Variants in LAMA1 observed in about 807,000 individuals in gnomAD.
LAMA1 encodes the protein laminin subunit alpha 1, also known as laminin subunit alpha-1.
A neutral mutation model predicts 348.7 loss-of-function variants in LAMA1; 219 were observed. The ratio of observed to expected loss-of-function variants is 0.63; its 90% CI spans 0.56 to 0.70. The LOEUF (loss-of-function observed/expected upper bound fraction) is 0.70. Among genes scored for constraint, LAMA1 ranks in the 30% least tolerant of loss-of-function variants. LAMA1 has a pLI of 0.00. For synonymous variants in LAMA1, 1,487 were observed against 1,491.0 expected, an observed-to-expected ratio of 1.00 and a Z score of 0.06; for missense variants, 3,744 against 3,888.0, an observed-to-expected ratio of 0.96 and a Z score of 0.99.
intron 1 of LAMA1, among the ~76,000 whole-genome samples, chr18:7,086,978 G>A (rs529295075): frequency 1.3e-4 from 20 of 152,194 alleles, no homozygotes; most frequent in Admixed American, 7.2e-4. Context: ...TTCAGTGTGC[G>A]CAAGGGTGGA....
intron 3 of LAMA1, among the ~76,000 whole-genome samples, chr18:7,078,139 A>ATTTTTTTG (rs2058177480): frequency 7.1e-6 from 1 of 140,848 alleles, no homozygotes; most frequent in Non-Finnish European, 1.5e-5. Context: ...TTCTCTTTTT[A>ATTTTTTTG]TTTTTTTTTG....
intron 3 of LAMA1, among the ~76,000 whole-genome samples, chr18:7,078,401 C>G (rs903290769): frequency 6.6e-6 from 1 of 151,640 alleles, no homozygotes; most frequent in African/African-American, 2.4e-5. Context: ...CTCCTGACCT[C>G]GTGATCCACC....
At chr18:6,992,855 C>G (rs974996598) in intron 35 of LAMA1, 135 bp from the exon 36 acceptor site, 4 of 688,592 alleles carry the variant, frequency 5.8e-6, no homozygotes, top group Non-Finnish European at 1.0e-5. Flanking sequence ...CAGGCCAGGC[C>G]ACCTGGCATA....
chr18:7,038,886 T>C lies in LAMA1; in HGVS notation c.1487A>G (p.Asn496Ser). ...GAAGCACTCGGAGCAGCCCCGGGGG[T>C]TTTTTTCCTTCAAGTTATAGAATCC... ...KPGFYNLKEK[N>S]PRGCSECFCF... Residue 496 changes from asparagine (N) to serine (S), a missense_variant, in exon 11 of 63, where the codon AAC (asparagine) becomes AGC (serine). Asn to Ser is a conservative substitution (Grantham distance 46). Coordinates refer to ENST00000389658, the MANE Select transcript of LAMA1 (RefSeq NM_005559.4). 1.2e-6 allele frequency: 2 copies of C among 1,613,546 alleles called. No homozygotes were observed. Among genetic ancestry groups the C allele is most frequent in the Non-Finnish European group, 1.7e-6 (2 of 1,179,660 alleles).
Position 7,011,464 on chromosome 18 carries a change from C to G in LAMA1, c.3523G>C (p.Asp1175His). ...YVRTPVTLGS[D>H]QPLLRVVSQS... ...GAAACCACACGCAGAAGAGGCTGATCGGAGCCCAGCGTTACCTAAACCACG... is the reference window on the plus strand; with the variant it reads ...GAAACCACACGCAGAAGAGGCTGATGGGAGCCCAGCGTTACCTAAACCACG... The change falls in exon 25 of 63, where the codon GAT becomes CAT. Residue 1175 changes from aspartate to histidine, a missense_variant. Transcript: ENST00000389658. 6.2e-7 allele frequency: 1 copy of G among 1,604,788 alleles called. No individual in the cohort carries two copies.
chr18:6,985,343 T>A lies in LAMA1; in HGVS notation c.5554A>T (p.Ile1852Leu). Residue 1852 changes from isoleucine (I) to leucine (L), a missense_variant, in exon 39 of 63, where the codon ATA (isoleucine) becomes TTA (leucine). Around this residue, in one of 3 missense-constraint regions of LAMA1, gnomAD observed 1,983 missense variants for 1,934.3 expected, o/e 1.03. Coordinates refer to ENST00000389658, the MANE Select transcript of LAMA1 (RefSeq NM_005559.4). ...GACATGTGCATGACCAGGTCATCTA[T>A]GTGGTGCCTGATTTTGGCAGACCAT... is the stretch of plus-strand genomic sequence containing the variant. The part of the protein sequence containing the change: ...LLWSAKIRHH[I>L]DDLVMHMSQR... 3 of 1,614,232 alleles carry A rather than the reference T, an allele frequency of 1.9e-6. No individual in the cohort carries two copies. Among genetic ancestry groups the A allele is most frequent in the Non-Finnish European group, 2.5e-6 (3 of 1,180,046 alleles).
At chr18:7,055,808 G>A (rs967596082) in intron 3 of LAMA1, among the ~76,000 whole-genome samples, 2 of 152,122 alleles carry the variant, frequency 1.3e-5, no homozygotes, top group East Asian at 1.9e-4. Context: ...AGGCCTGGGC[G>A]TGGTGGCTCG....
At chr18:7,066,487 T>C (rs369989362) in intron 3 of LAMA1, among the ~76,000 whole-genome samples, 2 of 152,340 alleles carry the variant, frequency 1.3e-5, no homozygotes, top group African/African-American at 4.8e-5. Context: ...GCCTCTAATA[T>C]TGATATTCAA....
chr18:6,994,227 G>A (rs926231706), intron 34 of LAMA1, among the ~76,000 whole-genome samples: 10 of 152,270 alleles, frequency 6.6e-5, no homozygotes, highest in East Asian at 1.9e-4. Context: ...AGCATTGTCT[G>A]TAACACTTGG....
chr18:7,073,822 T>TTGTGTGTGTGTGTGTGTG (rs112415914), intron 3 of LAMA1, among the ~76,000 whole-genome samples: 40 of 139,874 alleles, frequency 2.9e-4, no homozygotes, highest in African/African-American at 9.5e-4. Context: ...ACCATACTGG[T>TTGTGTGTGTGTGTGTGTG]TGTGTGTGTG....
chr18:7,019,839 G>T (rs1253265670), intron 19 of LAMA1, among the ~76,000 whole-genome samples: 1 of 151,512 alleles, frequency 6.6e-6, no homozygotes, highest in East Asian at 1.9e-4. Flanking sequence ...TCACCACCAC[G>T]CCCAGCTAAT....
At chr18:7,058,155 G>C (rs1411376140) in intron 3 of LAMA1, among the ~76,000 whole-genome samples, 1 of 152,014 alleles carries the variant, frequency 6.6e-6, no homozygotes, top group African/African-American at 2.4e-5. Flanking sequence ...CCTTTTGCCA[G>C]CTTTTATTCT....
At chr18:7,056,379 A>T (rs2058081983) in intron 3 of LAMA1, among the ~76,000 whole-genome samples, 1 of 152,210 alleles carries the variant, frequency 6.6e-6, no homozygotes, top group Non-Finnish European at 1.5e-5. Context: ...TTCCAGTTTC[A>T]CACTTGAATA....
chr18:6,994,013 G>T (rs898407499), intron 34 of LAMA1, among the ~76,000 whole-genome samples: 6 of 152,184 alleles, frequency 3.9e-5, no homozygotes, highest in African/African-American at 1.4e-4. Flanking sequence ...GGCTAATTGT[G>T]TATTAAACTA....
At chr18:7,075,630 A>G (rs2058164595) in intron 3 of LAMA1, among the ~76,000 whole-genome samples, 1 of 150,016 alleles carries the variant, frequency 6.7e-6, no homozygotes, top group East Asian at 2.0e-4. Flanking sequence ...TCTCAAAAAA[A>G]AAATAACGGA....
intron 19 of LAMA1, 135 bp from the exon 20 acceptor site, chr18:7,017,519 G>T: frequency 1.4e-6 from 1 of 727,550 alleles, no homozygotes; most frequent in Non-Finnish European, 2.5e-6. Flanking sequence ...AATATTATTG[G>T]CAATAACTTT....
chr18:6,988,071 G>A lies in LAMA1; in HGVS notation c.5169-1724C>T, dbSNP rs899711398. ...GGAGGTTGCAGTGAGCTGAGATTGC[G>A]CCACTGCACTCCAGCCTGGGTGACA... On this transcript the variant is annotated intron_variant, in intron 36 of 62. Coordinates refer to ENST00000389658, the MANE Select transcript of LAMA1 (RefSeq NM_005559.4). 4.6e-5 allele frequency among the ~76,000 whole-genome samples: 7 copies of A among 151,962 alleles called. No homozygotes were observed. The South Asian group carries it at 6.2e-4, about 14-fold the overall frequency.
chr18:7,031,857 C>G (rs2057970638), intron 16 of LAMA1, among the ~76,000 whole-genome samples: 1 of 146,280 alleles, frequency 6.8e-6, no homozygotes, highest in Non-Finnish European at 1.5e-5. Flanking sequence ...CCCTTTTCCA[C>G]TATTACCAAA....
chr18:7,051,441 G>A (rs1484504344), intron 3 of LAMA1, among the ~76,000 whole-genome samples: 3 of 152,102 alleles, frequency 2.0e-5, no homozygotes, highest in Admixed American at 6.5e-5. Context: ...TGCCAAAATC[G>A]AAGCTTTGGA....
Sources: gnomAD v4.1 joint callset for allele counts (sites outside exome capture counted in the v4.1 genomes callset) on GRCh38, gnomAD v4.1.1 for gene constraint, gnomAD v4.1.1 regional missense constraint, MANE v1.5 for transcripts, NCBI Gene and HGNC (gene_info 2026-07-23, HGNC 2026-07-21) for gene names.